Variants in CADPS observed in about 807,000 individuals in gnomAD.
CADPS encodes calcium dependent secretion activator.
CADPS carries 57 observed loss-of-function variants against 167.3 expected under a neutral mutation model. The ratio of observed to expected loss-of-function variants is 0.34; its 90% CI spans 0.28 to 0.42. The LOEUF (loss-of-function observed/expected upper bound fraction) is 0.42, where lower values mean the gene tolerates loss of function less well. CADPS is among the 20% of genes least tolerant of loss of function. The pLI is 1.00. For synonymous variants in CADPS, 676 were observed against 635.3 expected, an observed-to-expected ratio of 1.06 and a Z score of -0.96; for missense variants, 1,414 against 1,738.1, an observed-to-expected ratio of 0.81 and a Z score of 3.32.
rs11353455 is a variant in CADPS, at chr3:62,417,276, C to CTTTTTTTTTT, written c.3778-14101_3778-14092dup. 2.5e-3 allele frequency among the ~76,000 whole-genome samples: 161 copies of CTTTTTTTTTT among 64,080 alleles called. 51 individuals carry two copies. The highest frequency in any genetic ancestry group is 4.9e-3 in the East Asian group (9 of 1,850). 42.0% of individuals were successfully genotyped at this position (64,080 alleles called of 152,430 possible). A position where few individuals can be genotyped will look rare whatever the true frequency, so the allele number is the denominator to read the frequency against. ...ACACAATAACTATTTTTCTTTTACTCTTTTTTTTTTTTTTTTTTTTTTTTT... is the reference window on the plus strand; with the variant it reads ...ACACAATAACTATTTTTCTTTTACTCTTTTTTTTTTTTTTTTTTTTTTTTTTTTTTTTTTT... On this transcript the variant is annotated intron_variant, in intron 28 of 29. Transcript: ENST00000383710.
chr3:62,574,481 A>C (rs2081910062), intron 8 of CADPS, among the ~76,000 whole-genome samples: 1 of 152,190 alleles, frequency 6.6e-6, no homozygotes, highest in Admixed American at 6.5e-5. Context: ...CATCGACCGG[A>C]TGACTGATAA....
chr3:62,700,021 C>T (rs979393175), intron 3 of CADPS, among the ~76,000 whole-genome samples: 3 of 152,060 alleles, frequency 2.0e-5, no homozygotes, highest in Non-Finnish European at 4.4e-5. Context: ...AAAATGTTTG[C>T]CAACCCCTAT....
At position 62,448,623 on chromosome 3, in the gene CADPS, G is replaced by T. The variant is rs573648069; in HGVS notation, c.3637-2826C>A. On this transcript the variant is annotated intron_variant, in intron 26 of 29. Transcript: ENST00000383710. ...TGGTTCGGGATATTGAACTTTTTTG[G>T]GGGGGGGTGGTATGGAGTCTCACTG... is the stretch of plus-strand genomic sequence containing the variant. Among the ~76,000 whole-genome samples the T allele has an allele frequency of 8.4e-5, 11 of 130,370 alleles. No individual in the cohort carries two copies. The East Asian group carries it at 2.3e-3, about 27-fold the overall frequency. The allele number at this position is 130,370 out of a possible 152,430, so 85.5% of individuals were successfully genotyped here. A position where few individuals can be genotyped will look rare whatever the true frequency, so the allele number is the denominator to read the frequency against.
chr3:62,473,487 G>A (rs991675001), intron 24 of CADPS, among the ~76,000 whole-genome samples: 2 of 152,170 alleles, frequency 1.3e-5, no homozygotes, highest in African/African-American at 2.4e-5. Flanking sequence ...ATTCTAAATT[G>A]GTATATGAAT....
chr3:62,639,002 T>A (rs2066880399), intron 6 of CADPS, among the ~76,000 whole-genome samples: 1 of 152,012 alleles, frequency 6.6e-6, no homozygotes, highest in Non-Finnish European at 1.5e-5. Flanking sequence ...CTTCCCACTG[T>A]CTATCCTACT....
At chr3:62,565,355 T>C (rs17696120) in intron 9 of CADPS, among the ~76,000 whole-genome samples, 4,353 of 152,282 alleles carry the variant, frequency 0.029, 102 homozygotes, top group South Asian at 0.052. Context: ...CTCGGTTCCA[T>C]AGAGAACATA....
intron 1 of CADPS, among the ~76,000 whole-genome samples, chr3:62,791,095 G>A (rs1415223437): frequency 1.3e-5 from 2 of 152,012 alleles, no homozygotes; most frequent in Admixed American, 1.3e-4. Flanking sequence ...GACAAAACAA[G>A]AGGGGAGACA....
chr3:62,668,421 C>T (rs2074885516), intron 3 of CADPS, among the ~76,000 whole-genome samples: 1 of 152,130 alleles, frequency 6.6e-6, no homozygotes, highest in South Asian at 2.1e-4. Context: ...TTCACTCAGG[C>T]TTTTGGGAGG....
chr3:62,496,492 G>T (rs559433643), intron 18 of CADPS, among the ~76,000 whole-genome samples: 1 of 152,294 alleles, frequency 6.6e-6, no homozygotes, highest in African/African-American at 2.4e-5. Flanking sequence ...CACAGGTTTT[G>T]TCACTTTGAT....
chr3:62,817,408 T>C (rs1409135337), intron 1 of CADPS, among the ~76,000 whole-genome samples: 2 of 152,180 alleles, frequency 1.3e-5, no homozygotes, highest in African/African-American at 2.4e-5. Flanking sequence ...TCATATGAGA[T>C]ACAATCTACA....
Position 62,576,788 on chromosome 3 carries a change from TAAAAAAA to T in CADPS, c.1578-5857_1578-5851del, listed in dbSNP as rs138055445. Among the ~76,000 whole-genome samples the T allele has an allele frequency of 1.7e-4, 5 of 29,870 alleles. No homozygotes were observed. The Admixed American group carries it at 2.8e-3, about 17-fold the overall frequency. 19.6% of individuals were successfully genotyped at this position (29,870 alleles called of 152,430 possible). On this transcript the variant is annotated intron_variant, in intron 8 of 29. Coordinates refer to ENST00000383710, the MANE Select transcript of CADPS (RefSeq NM_003716.4). ...CTGGGTGACAGAGCAAGACTCTGTC[TAAAAAAA>T]AAAAAAAAAAAAAAAAAAAAAAGCA...
chr3:62,491,733 T>C (rs1035480056), intron 20 of CADPS, among the ~76,000 whole-genome samples: 1 of 152,226 alleles, frequency 6.6e-6, no homozygotes, highest in Non-Finnish European at 1.5e-5. Context: ...AAAACGATCA[T>C]GCTACTTTAA....
chr3:62,432,012 G>T (rs909131681), intron 28 of CADPS, among the ~76,000 whole-genome samples: 1 of 151,824 alleles, frequency 6.6e-6, no homozygotes, highest in Non-Finnish European at 1.5e-5. Context: ...CATCTTAATA[G>T]TAAAGGGTAT....
At chr3:62,865,385 TAAAA>T (rs35780515) in intron 1 of CADPS, among the ~76,000 whole-genome samples, 10 of 110,144 alleles carry the variant, frequency 9.1e-5, no homozygotes, top group Admixed American at 1.9e-4. Flanking sequence ...ACTTAAGGAT[TAAAA>T]AAAAAAAAAA....
At chr3:62,712,676 T>C (rs1040498410) in intron 3 of CADPS, among the ~76,000 whole-genome samples, 1 of 152,226 alleles carries the variant, frequency 6.6e-6, no homozygotes, top group African/African-American at 2.4e-5. Context: ...AAAAATCCTT[T>C]TGGAATGAGG....
intron 6 of CADPS, among the ~76,000 whole-genome samples, chr3:62,617,891 G>C (rs2062578088): frequency 6.6e-6 from 1 of 152,122 alleles, no homozygotes; most frequent in Non-Finnish European, 1.5e-5. Flanking sequence ...GTTTTTGCCT[G>C]CTCAACGTCC....
At chr3:62,594,478 T>C (rs1348663014) in intron 6 of CADPS, among the ~76,000 whole-genome samples, 1 of 152,244 alleles carries the variant, frequency 6.6e-6, no homozygotes, top group Non-Finnish European at 1.5e-5. Context: ...TGATTTTTAA[T>C]GATTCTATAA....
chr3:62,567,392 G>A (rs1214930931), intron 9 of CADPS, among the ~76,000 whole-genome samples: 1 of 151,712 alleles, frequency 6.6e-6, no homozygotes, highest in Non-Finnish European at 1.5e-5. Flanking sequence ...TATGCGTGTG[G>A]TGGAGGAAAG....
At chr3:62,612,724 T>C (rs2061671368) in intron 6 of CADPS, among the ~76,000 whole-genome samples, 1 of 152,132 alleles carries the variant, frequency 6.6e-6, no homozygotes, top group Non-Finnish European at 1.5e-5. Context: ...CAAGAGGGAA[T>C]TGATTGGACA....
Sources: gnomAD v4.1 joint callset for allele counts (sites outside exome capture counted in the v4.1 genomes callset) on GRCh38, gnomAD v4.1.1 for gene constraint, MANE v1.5 for transcripts, NCBI Gene and HGNC (gene_info 2026-07-23, HGNC 2026-07-21) for gene names.